Variants in CLNK observed in about 807,000 individuals in gnomAD.
CLNK encodes the protein cytokine dependent hematopoietic cell linker.
CLNK carries 74 observed loss-of-function variants against 68.6 expected under a neutral mutation model. The ratio of observed to expected loss-of-function variants is 1.08; its 90% CI spans 0.89 to 1.31. The LOEUF (loss-of-function observed/expected upper bound fraction) is 1.31, where lower values mean the gene tolerates loss of function less well. CLNK is among the 50% of genes most tolerant of loss of function. The pLI is 0.00. For synonymous variants in CLNK, 198 were observed against 172.2 expected (o/e 1.15, Z -1.17); for missense variants, 553 against 515.3 (o/e 1.07, Z -0.71).
At chr4:10,537,651 C>CTT (rs768088404) in intron 11 of CLNK, among the ~76,000 whole-genome samples, 1 of 50,476 alleles carries the variant, frequency 2.0e-5, no homozygotes. Flanking sequence ...TTCTTTCTTT[C>CTT]TTTCTTTCTT....
rs543853979 is a variant in CLNK at position 10,576,514 on chromosome 4, C to T, written c.113-4736G>A. Among the ~76,000 whole-genome samples, 6 of 152,272 alleles carry T rather than the reference C, an allele frequency of 3.9e-5. No individual in the cohort carries two copies. In the South Asian group the frequency reaches 6.2e-4, roughly 16 times the overall value. On this transcript the variant is annotated intron_variant, in intron 4 of 18. Transcript: ENST00000226951. ...TAGGAGGGAAGTGAAGATGGATATA[C>T]GCAGTGTAAAGCCCAGGAGAGCCTC...
intron 2 of CLNK, among the ~76,000 whole-genome samples, chr4:10,616,520 C>T (rs1400899510): frequency 6.6e-6 from 1 of 152,072 alleles, no homozygotes; most frequent in Non-Finnish European, 1.5e-5. Context: ...CTTTGTTGTT[C>T]CACTTTTGTT....
intron 14 of CLNK, chr4:10,523,822 C>T (rs569179673): frequency 2.1e-5 from 4 of 186,550 alleles, no homozygotes; most frequent in South Asian, 1.6e-4. Context: ...CCCAGGAGTT[C>T]GAGACTAGCC....
intron 15 of CLNK, chr4:10,517,391 T>C (rs1717879380): frequency 6.6e-6 from 1 of 152,174 alleles, no homozygotes; most frequent in South Asian, 2.1e-4. Flanking sequence ...GGTGCAAACT[T>C]ACCTTTTAAA....
chr4:10,681,604 A>C (rs920419226), intron 1 of CLNK, among the ~76,000 whole-genome samples: 1 of 152,238 alleles, frequency 6.6e-6, no homozygotes, highest in Non-Finnish European at 1.5e-5. Context: ...GCAGTGTTTC[A>C]ATTAGTATCA....
chr4:10,664,935 C>G (rs1196938467), intron 2 of CLNK, among the ~76,000 whole-genome samples: 5 of 152,144 alleles, frequency 3.3e-5, no homozygotes, highest in Non-Finnish European at 7.3e-5. Context: ...TTGGGGCAGG[C>G]CAGCAGCAAT....
intron 5 of CLNK, among the ~76,000 whole-genome samples, chr4:10,567,341 G>T (rs1393976325): frequency 6.6e-6 from 1 of 152,162 alleles, no homozygotes; most frequent in Admixed American, 6.5e-5. Context: ...TGGGTGGAAA[G>T]AATAGTCTTT....
intron 11 of CLNK, among the ~76,000 whole-genome samples, chr4:10,534,788 A>T (rs766116079): frequency 1.3e-5 from 2 of 152,210 alleles, no homozygotes; most frequent in Non-Finnish European, 2.9e-5. Context: ...AAGAAATAAT[A>T]CAGACAGTTC....
chr4:10,540,292 C>T (rs1049479374), intron 11 of CLNK, among the ~76,000 whole-genome samples: 2 of 152,288 alleles, frequency 1.3e-5, no homozygotes, highest in East Asian at 1.9e-4. Flanking sequence ...GTGAGGCTTC[C>T]CCAGCCATGT....
chr4:10,621,338 A>G (rs1722448741), intron 2 of CLNK, among the ~76,000 whole-genome samples: 1 of 152,190 alleles, frequency 6.6e-6, no homozygotes, highest in Non-Finnish European at 1.5e-5. Flanking sequence ...TTGCAGCCCC[A>G]AGCAGAGTTA....
At chr4:10,674,215 G>A (rs1560274027) in intron 1 of CLNK, among the ~76,000 whole-genome samples, 2 of 151,728 alleles carry the variant, frequency 1.3e-5, no homozygotes, top group African/African-American at 4.8e-5. Context: ...GGACCAGGCA[G>A]AAGGAGACGT....
Position 10,667,931 on chromosome 4 carries a change from C to T in CLNK, c.-42-20G>A, listed in dbSNP as rs992911079. The T allele has an allele frequency of 2.8e-5, 36 of 1,281,920 alleles. No homozygotes were observed. Among genetic ancestry groups the T allele is most frequent in the South Asian group, 1.2e-4 (8 of 67,846 alleles). 79.4% of individuals were successfully genotyped at this position (1,281,920 alleles called of 1,614,324 possible). A position where few individuals can be genotyped will look rare whatever the true frequency, so the allele number is the denominator to read the frequency against. On this transcript the variant is annotated intron_variant, in intron 1 of 18. Transcript: ENST00000226951. ...TTCAGCCTGTGGAAACAAAAGCAAA[C>T]GCGTTACTGGAACTTCCACATCATG...
chr4:10,668,541 C>T (rs1560271144), intron 1 of CLNK, among the ~76,000 whole-genome samples: 1 of 152,150 alleles, frequency 6.6e-6, no homozygotes, highest in Non-Finnish European at 1.5e-5. Context: ...AAACAGATGA[C>T]ACTCTCAAAT....
intron 8 of CLNK, among the ~76,000 whole-genome samples, chr4:10,547,149 G>A (rs189464089): frequency 1.1e-3 from 173 of 152,260 alleles, no homozygotes; most frequent in Middle Eastern, 6.8e-3. Context: ...ATGAGATTTG[G>A]AAGGGACACT....
chr4:10,565,025 T>C lies in CLNK; in HGVS notation c.293-248A>G, dbSNP rs562826249. On this transcript the variant is annotated intron_variant, in intron 6 of 18. Coordinates refer to ENST00000226951, the MANE Select transcript of CLNK (RefSeq NM_052964.4). ...TCATTTTCTCATTCACCTTAGAAATTCTATAAATCTTACAAAATTTTGGCT... is the reference window on the plus strand; with the variant it reads ...TCATTTTCTCATTCACCTTAGAAATCCTATAAATCTTACAAAATTTTGGCT... 2.6e-5 allele frequency among the ~76,000 whole-genome samples: 4 copies of C among 152,314 alleles called. No homozygotes were observed. The East Asian group carries it at 7.7e-4, about 29-fold the overall frequency.
At chr4:10,586,996 G>A (rs991249461) in intron 3 of CLNK, among the ~76,000 whole-genome samples, 11 of 147,374 alleles carry the variant, frequency 7.5e-5, no homozygotes, top group Admixed American at 2.0e-4. Flanking sequence ...TCACTCTGTT[G>A]CCCAGGCTGG....
intron 3 of CLNK, among the ~76,000 whole-genome samples, chr4:10,588,669 A>G (rs1201583502): frequency 2.0e-5 from 3 of 152,218 alleles, no homozygotes; most frequent in Non-Finnish European, 2.9e-5. Context: ...ACTTACAAAA[A>G]GCTGTACATA....
intron 1 of CLNK, among the ~76,000 whole-genome samples, chr4:10,674,144 G>A (rs565267937): frequency 6.6e-6 from 1 of 152,268 alleles, no homozygotes; most frequent in Admixed American, 6.5e-5. Flanking sequence ...GAAGCTGAAG[G>A]AAGCTCTGAA....
chr4:10,541,914 A>G, intron 10 of CLNK, 108 bp downstream of exon 10: 1 of 851,730 alleles, frequency 1.2e-6, no homozygotes, highest in Non-Finnish European at 1.8e-6. Context: ...CTCACTCTGA[A>G]ATCATATTAG....
Sources: allele counts gnomAD v4.1 joint callset (sites outside exome capture counted in the v4.1 genomes callset), GRCh38; gene constraint gnomAD v4.1.1; transcripts MANE v1.5; gene names NCBI Gene and HGNC (gene_info 2026-07-23, HGNC 2026-07-21).